The following CRYBG1 variants were observed in gnomAD, a reference collection of about 807,000 sequenced individuals.
CRYBG1 encodes crystallin beta-gamma domain containing 1.
In CRYBG1, 139 loss-of-function variants were observed where a neutral mutation model predicts 189.2. The ratio of observed to expected loss-of-function variants is 0.73; its 90% CI spans 0.64 to 0.85. The LOEUF is 0.85. Among genes scored for constraint, CRYBG1 ranks in the 40% least tolerant of loss-of-function variants. CRYBG1 has a pLI of 0.00. For missense variants in CRYBG1, 2,611 were observed against 2,675.8 expected (o/e 0.98, Z 0.53); for synonymous variants, 1,023 against 1,017.1 (o/e 1.01, Z -0.11).
chr6:106,447,534 C>T (rs1287576788), intron 1 of CRYBG1, among the ~76,000 whole-genome samples: 4 of 116,378 alleles, frequency 3.4e-5, no homozygotes, highest in African/African-American at 1.3e-4. Context: ...GCTTGTACCT[C>T]ATGTACCTCA....
chr6:106,400,130 C>A lies in CRYBG1; in HGVS notation c.173+39049C>A, dbSNP rs1185243917. ...CAGCCTGGGTGACAAGAGTGAGACT[C>A]CATCTCAAAAAAAAAAAAAAAAAAA... On this transcript the variant is annotated intron_variant, in intron 1 of 21. Coordinates refer to ENST00000633556, the MANE Select transcript of CRYBG1 (RefSeq NM_001371242.2). Among the ~76,000 whole-genome samples the A allele has an allele frequency of 8.5e-5, 10 of 118,274 alleles. No individual in the cohort carries two copies. In the East Asian group the frequency reaches 2.8e-3, roughly 33 times the overall value. 77.6% of individuals were successfully genotyped at this position (118,274 alleles called of 152,430 possible). A position where few individuals can be genotyped will look rare whatever the true frequency, so the allele number is the denominator to read the frequency against.
intron 16 of CRYBG1, 55 bp from the exon 17 acceptor site, chr6:106,555,713 A>G (rs572186789): frequency 7.6e-5 from 121 of 1,590,760 alleles, no homozygotes; most frequent in Non-Finnish European, 9.9e-5. Flanking sequence ...GACTTCTTGA[A>G]TAGGAGTGCT....
intron 3 of CRYBG1, among the ~76,000 whole-genome samples, chr6:106,517,616 G>A (rs570326190): frequency 1.3e-5 from 2 of 151,912 alleles, no homozygotes; most frequent in African/African-American, 4.8e-5. Context: ...AAAGGAGAGT[G>A]GACAGCCCCA....
chr6:106,474,789 A>G (rs1772302144), intron 2 of CRYBG1, among the ~76,000 whole-genome samples: 2 of 152,196 alleles, frequency 1.3e-5, no homozygotes, highest in African/African-American at 4.8e-5. Flanking sequence ...AGGGCAGAGA[A>G]GGAGGCAAAC....
rs559163906 is a variant in CRYBG1, at chr6:106,450,429, T to C, written c.174-1265T>C. Among the ~76,000 whole-genome samples the C allele has an allele frequency of 3.3e-5, 5 of 152,320 alleles. No individual in the cohort carries two copies. The South Asian group carries it at 1.0e-3, about 32-fold the overall frequency. On this transcript the variant is annotated intron_variant, in intron 1 of 21. Transcript: ENST00000633556. ...TGCTGAGGTCTTGCATTTTTAGTTC[T>C]CTTTCTACTTTACTGGCATTCTTCA...
intron 2 of CRYBG1, among the ~76,000 whole-genome samples, chr6:106,478,327 T>A (rs1038575181): frequency 5.3e-5 from 8 of 152,240 alleles, no homozygotes; most frequent in Admixed American, 5.2e-4. Flanking sequence ...ATGTTTGTAA[T>A]CAAAGCGAGT....
Position 106,437,430 on chromosome 6 carries a change from CTT to C in CRYBG1, c.174-14260_174-14259del, listed in dbSNP as rs1771479970. Among the ~76,000 whole-genome samples the C allele has an allele frequency of 3.7e-5, 5 of 136,538 alleles. No homozygotes were observed. The East Asian group carries it at 8.1e-4, about 22-fold the overall frequency. 89.6% of individuals were successfully genotyped at this position (136,538 alleles called of 152,430 possible). ...CTACCAATATTTTTCTTCTTCTTTT[CTT>C]TTTCTTCTTCTTTTTTTAAGAGATA... is the stretch of plus-strand genomic sequence containing the variant. On this transcript the variant is annotated intron_variant, in intron 1 of 21. Transcript: ENST00000633556.
chr6:106,571,872 G>T lies in CRYBG1; in HGVS notation c.*3306G>T. 3.3e-6 allele frequency: 2 copies of T among 599,964 alleles called. No homozygotes were observed. The highest frequency in any genetic ancestry group is 3.0e-6 in the Non-Finnish European group (1 of 336,886). 37.2% of individuals were successfully genotyped at this position (599,964 alleles called of 1,614,324 possible). ...CAAAATGGTGTGTTTATTTTTTAAA[G>T]CTTGTATCATGGAATGTATAATCTA... On this transcript the variant is annotated 3_prime_UTR_variant, in exon 22 of 22. Transcript: ENST00000633556.
intron 1 of CRYBG1, among the ~76,000 whole-genome samples, chr6:106,417,861 C>T (rs1771054740): frequency 6.6e-6 from 1 of 152,234 alleles, no homozygotes; most frequent in Admixed American, 6.5e-5. Context: ...ACTCTGAAGC[C>T]CCAGAAGGGA....
At position 106,520,336 on chromosome 6, in the gene CRYBG1, A is replaced by G; in HGVS notation, c.3128A>G (p.Gln1043Arg). 2 of 1,614,122 alleles carry G rather than the reference A, an allele frequency of 1.2e-6. No homozygotes were observed. The highest frequency in any genetic ancestry group is 1.7e-6 in the Non-Finnish European group (2 of 1,180,024). Residue 1043 changes from glutamine (Q) to arginine (R), a missense_variant, in exon 4 of 22, where the codon CAA becomes CGA. By Grantham distance (43) the Gln-to-Arg change is conservative. Around this residue, in one of 3 missense-constraint regions of CRYBG1, gnomAD observed 1,622 missense variants for 1,735.0 expected, o/e 0.93. Coordinates refer to ENST00000633556, the MANE Select transcript of CRYBG1 (RefSeq NM_001371242.2). ...ASEKTLPIQA[Q>R]SQGSRTPLMA... ...GAGAAAACTCTGCCTATTCAGGCTC[A>G]AAGTCAGGGCAGCAGAACACCCCTG...
intron 2 of CRYBG1, among the ~76,000 whole-genome samples, chr6:106,476,486 C>T (rs1772336426): frequency 1.3e-5 from 2 of 152,196 alleles, no homozygotes; most frequent in African/African-American, 4.8e-5. Context: ...TTTCTAAATA[C>T]ACTTTGACTC....
chr6:106,456,830 C>T (rs1250600884), intron 2 of CRYBG1, among the ~76,000 whole-genome samples: 2 of 152,122 alleles, frequency 1.3e-5, no homozygotes, highest in Non-Finnish European at 2.9e-5. Context: ...TTTAAGGGGC[C>T]TCAGACTCAT....
chr6:106,524,778 T>C (rs1056603291), intron 4 of CRYBG1, among the ~76,000 whole-genome samples: 1 of 152,218 alleles, frequency 6.6e-6, no homozygotes, highest in African/African-American at 2.4e-5. Context: ...TTCTAATTTA[T>C]CTTTATTTGA....
intron 1 of CRYBG1, among the ~76,000 whole-genome samples, chr6:106,366,001 T>C (rs1013034848): frequency 6.6e-5 from 10 of 152,198 alleles, no homozygotes; most frequent in African/African-American, 2.2e-4. Context: ...AGAAAACAAC[T>C]AACTCCCTGT....
At chr6:106,363,666 C>T (rs1195675380) in intron 1 of CRYBG1, among the ~76,000 whole-genome samples, 6 of 152,066 alleles carry the variant, frequency 3.9e-5, no homozygotes. Context: ...GGTAGCCACC[C>T]ATATTTGCTT....
intron 1 of CRYBG1, among the ~76,000 whole-genome samples, chr6:106,419,554 T>TA (rs1315206153): frequency 6.6e-6 from 1 of 152,128 alleles, no homozygotes; most frequent in Non-Finnish European, 1.5e-5. Flanking sequence ...GGTGAATTGT[T>TA]AAAATTTTTT....
rs1442896389 is a variant in CRYBG1, at chr6:106,501,103, C to T, written c.313-10327C>T. Among the ~76,000 whole-genome samples the T allele has an allele frequency of 3.9e-5, 6 of 152,158 alleles. No individual in the cohort carries two copies. In the South Asian group the frequency reaches 6.2e-4, roughly 16 times the overall value. ...GTAGGGACACAGGTGAACAAAATAA[C>T]GTTCTTGTTCCTCACGAAGCTTATG... On this transcript the variant is annotated intron_variant, in intron 2 of 21. Transcript: ENST00000633556.
rs561147507 is a variant in CRYBG1, at chr6:106,412,243, A to C, written c.174-39451A>C. Among the ~76,000 whole-genome samples the C allele has an allele frequency of 4.6e-5, 7 of 152,378 alleles. No individual in the cohort carries two copies. In the South Asian group the frequency reaches 1.4e-3, roughly 32 times the overall value. ...ACCCTGGTGCTGACATTAAAGACCC[A>C]GCTTGATTGAATGTATTTGTTCCCA... On this transcript the variant is annotated intron_variant, in intron 1 of 21. Transcript: ENST00000633556.
intron 10 of CRYBG1, 58 bp from the exon 11 acceptor site, chr6:106,543,382 A>G: frequency 6.7e-7 from 1 of 1,496,862 alleles, no homozygotes; most frequent in Admixed American, 1.8e-5. Flanking sequence ...GACTGATTTA[A>G]TGTTAAGCTG....
Sources: allele counts gnomAD v4.1 joint callset (sites outside exome capture counted in the v4.1 genomes callset), GRCh38; gene constraint gnomAD v4.1.1; regional missense constraint gnomAD v4.1.1; transcripts MANE v1.5; gene names NCBI Gene and HGNC (gene_info 2026-07-23, HGNC 2026-07-21).